The following NAALADL2 variants were observed in gnomAD, a reference collection of about 807,000 sequenced individuals.
The protein encoded by NAALADL2 is N-acetylated alpha-linked acidic dipeptidase like 2.
In NAALADL2, 76 loss-of-function variants were observed where a neutral mutation model predicts 87.2. That is an observed-to-expected ratio of 0.87 (90% CI 0.72 to 1.05). The LOEUF (loss-of-function observed/expected upper bound fraction) is 1.05. Among genes scored for constraint, NAALADL2 ranks in the 50% least tolerant of loss-of-function variants. The pLI, the probability that NAALADL2 is intolerant of heterozygous loss-of-function variation, is 0.00. For synonymous variants in NAALADL2, 354 were observed against 331.0 expected (o/e 1.07, Z -0.75); for missense variants, 1,089 against 945.8 (o/e 1.15, Z -1.99).
chr3:175,584,863 A>G (rs1483825122), intron 10 of NAALADL2, among the ~76,000 whole-genome samples: 1 of 152,206 alleles, frequency 6.6e-6, no homozygotes, highest in Non-Finnish European at 1.5e-5. Context: ...TGGGTGAATG[A>G]GTAAGTGGTG....
intron 4 of NAALADL2, among the ~76,000 whole-genome samples, chr3:175,276,218 A>C (rs142951326): frequency 6.6e-6 from 1 of 151,886 alleles, no homozygotes; most frequent in Non-Finnish European, 1.5e-5. Flanking sequence ...AGTTTATTCA[A>C]CTCTGAAGGT....
chr3:175,442,813 G>T (rs1720033851), intron 5 of NAALADL2, among the ~76,000 whole-genome samples: 1 of 152,150 alleles, frequency 6.6e-6, no homozygotes, highest in African/African-American at 2.4e-5. Context: ...GCATAAACAA[G>T]GTACAGAGTA....
At chr3:175,541,163 A>G (rs1395416150) in intron 9 of NAALADL2, among the ~76,000 whole-genome samples, 1 of 152,038 alleles carries the variant, frequency 6.6e-6, no homozygotes, top group Non-Finnish European at 1.5e-5. Flanking sequence ...CAATCCCTTC[A>G]CTCTTAATCC....
At chr3:175,162,210 A>G (rs1733331672) in intron 2 of NAALADL2, among the ~76,000 whole-genome samples, 1 of 152,162 alleles carries the variant, frequency 6.6e-6, no homozygotes, top group Non-Finnish European at 1.5e-5. Context: ...AATTAGTATC[A>G]TATTACCTAT....
intron 11 of NAALADL2, among the ~76,000 whole-genome samples, chr3:175,630,764 T>A (rs1727648101): frequency 6.6e-6 from 1 of 151,586 alleles, no homozygotes; most frequent in Non-Finnish European, 1.5e-5. Flanking sequence ...TGAATAATAG[T>A]GTGATATATA....
intron 11 of NAALADL2, among the ~76,000 whole-genome samples, chr3:175,640,368 G>A (rs1325703723): frequency 6.6e-6 from 1 of 152,148 alleles, no homozygotes; most frequent in South Asian, 2.1e-4. Flanking sequence ...GTATTCATTG[G>A]TGTTTTTTTC....
At chr3:175,528,156 T>A (rs1199859054) in intron 9 of NAALADL2, among the ~76,000 whole-genome samples, 1 of 152,096 alleles carries the variant, frequency 6.6e-6, no homozygotes, top group African/African-American at 2.4e-5. Flanking sequence ...GGGACAGAAC[T>A]AATGGGATAT....
At chr3:175,405,984 C>T (rs1418127683) in intron 5 of NAALADL2, among the ~76,000 whole-genome samples, 3 of 152,018 alleles carry the variant, frequency 2.0e-5, no homozygotes, top group South Asian at 2.1e-4. Flanking sequence ...GCTAGAAGTG[C>T]GGGGAACATA....
At position 174,711,417 on chromosome 3, in the gene NAALADL2, A is replaced by C. The variant is rs184751419; in HGVS notation, c.-114-26224A>C. ...TTGTATTTACTAACTCCATAATAAC[A>C]GGAGAATTATGCTTCCCACTTACAC... On this transcript the variant is annotated intron_variant, in intron 2 of 3. Transcript: ENST00000434257. Among the ~76,000 whole-genome samples, 15 of 152,352 alleles carry C rather than the reference A, an allele frequency of 9.8e-5. No homozygotes were observed. The East Asian group carries it at 1.2e-3, about 12-fold the overall frequency.
At chr3:175,610,974 G>C (rs1724566513) in intron 10 of NAALADL2, among the ~76,000 whole-genome samples, 1 of 152,030 alleles carries the variant, frequency 6.6e-6, no homozygotes, top group Admixed American at 6.6e-5. Context: ...CTCTGAAGGT[G>C]ATATCAAGAT....
At chr3:175,245,562 C>G (rs1261431908) in intron 3 of NAALADL2, among the ~76,000 whole-genome samples, 2 of 152,138 alleles carry the variant, frequency 1.3e-5, no homozygotes, top group Non-Finnish European at 2.9e-5. Context: ...AGTAGCAACT[C>G]TGGTTTATCT....
At chr3:175,131,721 G>A (rs201820624) in intron 2 of NAALADL2, among the ~76,000 whole-genome samples, 9 of 151,592 alleles carry the variant, frequency 5.9e-5, no homozygotes, top group African/African-American at 2.2e-4. Context: ...AGGGGTGGCC[G>A]GGCAGAGGCG....
At chr3:175,300,785 TTA>T in intron 4 of NAALADL2, among the ~76,000 whole-genome samples, 1 of 117,692 alleles carries the variant, frequency 8.5e-6, no homozygotes, top group South Asian at 2.4e-4. Flanking sequence ...ATTTATTTAT[TTA>T]TTTTATTTTA....
At chr3:175,789,160 A>T (rs890692758) in intron 13 of NAALADL2, among the ~76,000 whole-genome samples, 7 of 152,122 alleles carry the variant, frequency 4.6e-5, no homozygotes, top group African/African-American at 1.7e-4. Flanking sequence ...TTTGGAACTG[A>T]GATTGCTTTT....
At chr3:175,651,604 A>G (rs934469186) in intron 11 of NAALADL2, among the ~76,000 whole-genome samples, 23 of 152,326 alleles carry the variant, frequency 1.5e-4, no homozygotes, top group Admixed American at 6.5e-4. Flanking sequence ...TATTGTTAAG[A>G]GTTTATATAA....
chr3:175,323,214 C>G (rs1464713733), intron 4 of NAALADL2, among the ~76,000 whole-genome samples: 4 of 149,916 alleles, frequency 2.7e-5, no homozygotes, highest in Non-Finnish European at 1.5e-5. Context: ...TGGAAACCAT[C>G]ATTCTCAGTA....
Position 174,829,097 on chromosome 3 carries a change from T to TTG in NAALADL2, c.-9+91352_-9+91353insGT, listed in dbSNP as rs552450495. Among the ~76,000 whole-genome samples, 552 of 150,376 alleles carry TTG rather than the reference T, an allele frequency of 3.7e-3. 3 individuals are homozygous for TTG. The highest frequency in any genetic ancestry group is 0.02 in the Middle Eastern group (6 of 294). On this transcript the variant is annotated intron_variant, in intron 3 of 3. Coordinates refer to the NAALADL2 transcript ENST00000434257. ...GGTTCAGGTATTACATCTGTTTTTTTTTGTTGTTGTTGTTGTTGTTGTTGT... is the reference window on the plus strand; with the variant it reads ...GGTTCAGGTATTACATCTGTTTTTTTTGTTGTTGTTGTTGTTGTTGTTGTTGT...
intron 1 of NAALADL2, among the ~76,000 whole-genome samples, chr3:175,021,850 T>C (rs1258869744): frequency 6.6e-6 from 1 of 152,114 alleles, no homozygotes; most frequent in Non-Finnish European, 1.5e-5. Flanking sequence ...TTGGATATTA[T>C]AGGGTGATGT....
chr3:174,705,052 T>A (rs12632219), intron 2 of NAALADL2, among the ~76,000 whole-genome samples: 39,860 of 152,012 alleles, frequency 0.26, 5,847 homozygotes, highest in East Asian at 0.43. Context: ...TTACCCAGTT[T>A]TTACAGTTCA....
Sources: allele counts gnomAD v4.1 joint callset (sites outside exome capture counted in the v4.1 genomes callset), GRCh38; gene constraint gnomAD v4.1.1; transcripts MANE v1.5; gene names NCBI Gene and HGNC (gene_info 2026-07-23, HGNC 2026-07-21).